Variants in CREB5 observed in about 807,000 individuals in gnomAD.
The protein encoded by CREB5 is cAMP responsive element binding protein 5, also known as cyclic AMP-responsive element-binding protein 5.
CREB5 carries 19 observed loss-of-function variants against 57.1 expected under a neutral mutation model. That is an observed-to-expected ratio of 0.33 (90% CI 0.23 to 0.49). The LOEUF (loss-of-function observed/expected upper bound fraction) is 0.49, where lower values mean the gene tolerates loss of function less well. CREB5 is among the 20% of genes least tolerant of loss of function. The pLI, the probability that CREB5 is intolerant of heterozygous loss-of-function variation, is 0.99. For missense variants in CREB5, 579 were observed against 671.6 expected, an observed-to-expected ratio of 0.86 and a Z score of 1.52; for synonymous variants, 238 against 238.3, an observed-to-expected ratio of 1.00 and a Z score of 0.01.
chr7:28,677,872 C>G (rs1344794820), intron 5 of CREB5, among the ~76,000 whole-genome samples: 1 of 150,414 alleles, frequency 6.6e-6, no homozygotes, highest in African/African-American at 2.5e-5. Context: ...CTGGGCAATG[C>G]AGTGAGACCC....
At chr7:28,319,463 G>T (rs547403797) in intron 1 of CREB5, among the ~76,000 whole-genome samples, 1 of 152,300 alleles carries the variant, frequency 6.6e-6, no homozygotes, top group East Asian at 1.9e-4. Flanking sequence ...AAGATTCCTA[G>T]TGGAAGTATT....
chr7:28,517,962 A>G lies in CREB5; in HGVS notation c.291+10225A>G, dbSNP rs148236767. Among the ~76,000 whole-genome samples, 60 of 152,280 alleles carry G rather than the reference A, an allele frequency of 3.9e-4. No individual in the cohort carries two copies. The East Asian group carries it at 0.01, about 26-fold the overall frequency. On this transcript the variant is annotated intron_variant, in intron 4 of 10. Transcript: ENST00000357727. ...CAGGATGAGACCGGTGTGTATGATG[A>G]CATTTTGTAAGACAACATTCGAGCT...
At chr7:28,299,555 C>T (rs1785064611) in intron 1 of CREB5, 1 of 152,224 alleles carries the variant, frequency 6.6e-6, no homozygotes, top group African/African-American at 2.4e-5. Context: ...CATGTGGCTA[C>T]TAGCTACCAT....
intron 1 of CREB5, among the ~76,000 whole-genome samples, chr7:28,398,870 C>T (rs951746801): frequency 6.6e-6 from 1 of 152,080 alleles, no homozygotes; most frequent in Non-Finnish European, 1.5e-5. Context: ...CACTACCACA[C>T]CTGGCTAATT....
chr7:28,762,455 A>G (rs547734727), intron 7 of CREB5, among the ~76,000 whole-genome samples: 12 of 152,210 alleles, frequency 7.9e-5, no homozygotes, highest in Non-Finnish European at 1.5e-4. Context: ...AGGACTTAAA[A>G]TTGTACGTGC....
intron 4 of CREB5, among the ~76,000 whole-genome samples, chr7:28,548,413 C>T (rs1249247230): frequency 6.6e-6 from 1 of 152,158 alleles, no homozygotes; most frequent in African/African-American, 2.4e-5. Flanking sequence ...ATGTGTTAAA[C>T]TGTCTCAGGC....
At chr7:28,702,371 C>A (rs1376965900) in intron 5 of CREB5, among the ~76,000 whole-genome samples, 1 of 152,194 alleles carries the variant, frequency 6.6e-6, no homozygotes, top group Non-Finnish European at 1.5e-5. Flanking sequence ...GGAAAGAAAA[C>A]ATTTCCATTT....
chr7:28,319,388 T>C (rs745856494), intron 1 of CREB5, among the ~76,000 whole-genome samples: 4 of 152,178 alleles, frequency 2.6e-5, no homozygotes, highest in Non-Finnish European at 4.4e-5. Context: ...TACCCCTCAA[T>C]GTTGGCAAGT....
intron 5 of CREB5, among the ~76,000 whole-genome samples, chr7:28,634,640 A>T (rs1044054354): frequency 2.0e-5 from 3 of 152,028 alleles, no homozygotes; most frequent in African/African-American, 7.2e-5. Flanking sequence ...TTTAGTCTTT[A>T]CTGAAGCTCT....
chr7:28,474,233 G>C (rs538027960), intron 1 of CREB5, among the ~76,000 whole-genome samples: 32 of 152,136 alleles, frequency 2.1e-4, no homozygotes, highest in Non-Finnish European at 1.8e-4. Context: ...TGTCAGGACT[G>C]GTCTGTGTAG....
At chr7:28,412,433 T>G (rs1380350066), upstream of CREB5, 1 of 152,680 alleles carries the variant, frequency 6.5e-6, no homozygotes, top group African/African-American at 2.4e-5. Flanking sequence ...GATTGCAGCT[T>G]GCTAACTAGA....
At chr7:28,551,924 C>CTTTCTCTTT (rs1794670445) in intron 4 of CREB5, among the ~76,000 whole-genome samples, 1 of 108,088 alleles carries the variant, frequency 9.3e-6, no homozygotes, top group African/African-American at 5.1e-5. Context: ...TCTCTTTTTT[C>CTTTCTCTTT]TTTCTTTCTT....
chr7:28,697,779 A>G (rs1217125692), intron 5 of CREB5, among the ~76,000 whole-genome samples: 3 of 152,174 alleles, frequency 2.0e-5, no homozygotes, highest in African/African-American at 2.4e-5. Flanking sequence ...AGACTTCTTC[A>G]GGGAAGGAAT....
In CREB5 at chr7:28,707,734, C is replaced by T. The variant is rs572334486; in HGVS notation, c.465-11019C>T. Among the ~76,000 whole-genome samples, 3 of 152,282 alleles carry T rather than the reference C, an allele frequency of 2.0e-5. No homozygotes were observed. The East Asian group carries it at 5.8e-4, about 29-fold the overall frequency. On this transcript the variant is annotated intron_variant, in intron 5 of 10. Coordinates refer to ENST00000357727, the MANE Select transcript of CREB5 (RefSeq NM_182898.4). ...ATTTAATTGTTTTACACTATTTGTT[C>T]TTGGGAGATATTCTTTTCTAAGTTA...
intron 5 of CREB5, among the ~76,000 whole-genome samples, chr7:28,692,526 C>G (rs1409072379): frequency 1.3e-5 from 2 of 152,198 alleles, no homozygotes; most frequent in Non-Finnish European, 2.9e-5. Flanking sequence ...GATTCAATCA[C>G]TCTTCTACTT....
intron 5 of CREB5, 69 bp from the exon 6 acceptor site, chr7:28,718,684 T>C: frequency 6.3e-7 from 1 of 1,594,702 alleles, no homozygotes; most frequent in East Asian, 2.2e-5. Context: ...GTCCCTGCTG[T>C]TCTGGACACT....
chr7:28,607,294 A>C (rs1423131748), intron 5 of CREB5, among the ~76,000 whole-genome samples: 4 of 152,182 alleles, frequency 2.6e-5, no homozygotes, highest in Non-Finnish European at 4.4e-5. Context: ...AAATGTGTAC[A>C]ATGTGAGGCC....
chr7:28,380,522 C>G (rs569020801), intron 1 of CREB5, among the ~76,000 whole-genome samples: 4 of 152,262 alleles, frequency 2.6e-5, no homozygotes, highest in African/African-American at 9.6e-5. Context: ...GTTTTACAGC[C>G]ATTTGAGGCA....
chr7:28,812,767 C>T (rs1809200709), intron 9 of CREB5, among the ~76,000 whole-genome samples: 1 of 152,182 alleles, frequency 6.6e-6, no homozygotes, highest in Admixed American at 6.5e-5. Context: ...CCCTTTCCCT[C>T]TCACTGGACC....
Sources: allele counts gnomAD v4.1 joint callset (sites outside exome capture counted in the v4.1 genomes callset), GRCh38; gene constraint gnomAD v4.1.1; transcripts MANE v1.5; gene names NCBI Gene and HGNC (gene_info 2026-07-23, HGNC 2026-07-21).